PATJ: variants seen among roughly 807,000 people sequenced by gnomAD.
PATJ encodes the protein inaD-like protein.
In PATJ, 190 loss-of-function variants were observed where a neutral mutation model predicts 224.9. The ratio of observed to expected loss-of-function variants is 0.84; its 90% CI spans 0.75 to 0.95. PATJ has a LOEUF of 0.95. PATJ is among the 40% of genes least tolerant of loss of function. The pLI is 0.00. For missense variants in PATJ, 2,121 were observed against 2,270.3 expected, an observed-to-expected ratio of 0.93 and a Z score of 1.34; for synonymous variants, 769 against 820.3, an observed-to-expected ratio of 0.94 and a Z score of 1.07.
At chr1:62,099,669 A>G (rs1031563591) in intron 33 of PATJ, among the ~76,000 whole-genome samples, 2 of 152,186 alleles carry the variant, frequency 1.3e-5, no homozygotes, top group African/African-American at 2.4e-5. Context: ...ATAGTTCTTT[A>G]TAATAGTATC....
chr1:62,051,905 T>C (rs1335004718), intron 31 of PATJ, among the ~76,000 whole-genome samples: 7 of 152,160 alleles, frequency 4.6e-5, no homozygotes, highest in African/African-American at 1.7e-4. Flanking sequence ...GCATTTCCTG[T>C]TCTTTGATTT....
intron 7 of PATJ, among the ~76,000 whole-genome samples, chr1:61,784,429 T>C (rs1648053198): frequency 6.6e-6 from 1 of 152,248 alleles, no homozygotes; most frequent in Non-Finnish European, 1.5e-5. Flanking sequence ...TTTCTATCAA[T>C]CTGACTAATG....
At chr1:62,008,528 A>G (rs1384481163) in intron 28 of PATJ, among the ~76,000 whole-genome samples, 1 of 152,172 alleles carries the variant, frequency 6.6e-6, no homozygotes, top group Non-Finnish European at 1.5e-5. Flanking sequence ...AGGCCAGGGC[A>G]AGTGGATCGC....
intron 17 of PATJ, among the ~76,000 whole-genome samples, chr1:61,845,098 G>C (rs898139188): frequency 6.6e-6 from 1 of 152,138 alleles, no homozygotes; most frequent in Non-Finnish European, 1.5e-5. Context: ...GGTATCTGCT[G>C]GGGGTCTTCG....
intron 31 of PATJ, among the ~76,000 whole-genome samples, chr1:62,062,111 TG>T (rs1655575267): frequency 6.6e-6 from 1 of 152,202 alleles, no homozygotes; most frequent in Admixed American, 6.5e-5. Context: ...TAACCAGTAA[TG>T]GGATTACTGG....
intron 14 of PATJ, among the ~76,000 whole-genome samples, chr1:61,810,592 T>A (rs1163165506): frequency 6.6e-6 from 1 of 151,718 alleles, no homozygotes; most frequent in Non-Finnish European, 1.5e-5. Context: ...AGCTACTTGG[T>A]AGGCTGAGGG....
chr1:62,073,818 C>T (rs939998022), intron 31 of PATJ, among the ~76,000 whole-genome samples: 10 of 152,058 alleles, frequency 6.6e-5, no homozygotes, highest in Non-Finnish European at 1.2e-4. Context: ...ACTGAGACTC[C>T]ATCTCCAAAA....
chr1:61,872,151 AC>A (rs1439133969), intron 20 of PATJ, among the ~76,000 whole-genome samples: 1 of 152,100 alleles, frequency 6.6e-6, no homozygotes, highest in Admixed American at 6.6e-5. Flanking sequence ...CCAAATTACA[AC>A]CTTCTTCTTT....
chr1:62,022,777 T>C (rs1457912022), intron 29 of PATJ, among the ~76,000 whole-genome samples: 1 of 152,222 alleles, frequency 6.6e-6, no homozygotes, highest in African/African-American at 2.4e-5. Context: ...AAAGATTTAG[T>C]GCTAGCTGTC....
intron 27 of PATJ, among the ~76,000 whole-genome samples, chr1:61,982,525 C>T (rs1326284761): frequency 6.6e-6 from 1 of 151,938 alleles, no homozygotes; most frequent in African/African-American, 2.4e-5. Flanking sequence ...GGGGAAGAAT[C>T]GATGACACAG....
At position 62,109,122 on chromosome 1, in the gene PATJ, A is replaced by G. The variant is rs542355883; in HGVS notation, c.4461+602A>G. Among the ~76,000 whole-genome samples, 8 of 152,186 alleles carry G rather than the reference A, an allele frequency of 5.3e-5. No individual in the cohort carries two copies. In the South Asian group the frequency reaches 1.7e-3, roughly 32 times the overall value. On this transcript the variant is annotated intron_variant, in intron 34 of 43. Coordinates refer to ENST00000642238, the MANE Select transcript of PATJ (RefSeq NM_001350145.3). ...TACCAAAGCAGGCAATGTCTGCACT[A>G]TGGAATGGCTGAAGGAGAAGGCGAT...
At chr1:62,115,169 G>T (rs1664317062) in intron 35 of PATJ, among the ~76,000 whole-genome samples, 1 of 152,058 alleles carries the variant, frequency 6.6e-6, no homozygotes, top group African/African-American at 2.4e-5. Flanking sequence ...AATTAGCCAG[G>T]CATAGTGGCA....
intron 29 of PATJ, among the ~76,000 whole-genome samples, chr1:62,034,476 G>A (rs1466878075): frequency 6.9e-6 from 1 of 145,892 alleles, no homozygotes; most frequent in East Asian, 2.0e-4. Flanking sequence ...TAATTATAAA[G>A]CAAACAGATA....
chr1:61,973,101 C>T (rs918941502), intron 27 of PATJ, among the ~76,000 whole-genome samples: 1 of 151,928 alleles, frequency 6.6e-6, no homozygotes, highest in African/African-American at 2.4e-5. Context: ...TGTTTCTTGA[C>T]CAATTCAGAT....
At chr1:61,823,164 T>C (rs1229177015) in intron 15 of PATJ, 85 bp downstream of exon 15, 3 of 1,372,350 alleles carry the variant, frequency 2.2e-6, no homozygotes, top group Non-Finnish European at 3.1e-6. Flanking sequence ...CCCTGAGTTA[T>C]AGTGTCACCA....
At chr1:61,917,822 C>G (rs567056106) in intron 26 of PATJ, among the ~76,000 whole-genome samples, 1 of 152,048 alleles carries the variant, frequency 6.6e-6, no homozygotes, top group African/African-American at 2.4e-5. Context: ...GGGAGGCCAA[C>G]GTGGGCGAAT....
At chr1:61,857,527 G>A (rs552997077) in intron 18 of PATJ, among the ~76,000 whole-genome samples, 1 of 152,358 alleles carries the variant, frequency 6.6e-6, no homozygotes, top group African/African-American at 2.4e-5. Flanking sequence ...TAGTTTGTAT[G>A]CAGCATGTCT....
chr1:62,084,387 C>T, intron 32 of PATJ, 128 bp from the exon 33 acceptor site: 1 of 962,876 alleles, frequency 1.0e-6, no homozygotes, highest in Admixed American at 3.4e-5. Context: ...CTTTTTGCTT[C>T]ATGGTGTTTG....
intron 14 of PATJ, among the ~76,000 whole-genome samples, chr1:61,814,658 A>G (rs529036263): frequency 4.2e-4 from 64 of 152,252 alleles, no homozygotes; most frequent in Non-Finnish European, 7.6e-4. Context: ...TTAAATGTCC[A>G]TAGAATTTTT....
Sources: allele counts gnomAD v4.1 joint callset (sites outside exome capture counted in the v4.1 genomes callset), GRCh38; gene constraint gnomAD v4.1.1; transcripts MANE v1.5; gene names NCBI Gene and HGNC (gene_info 2026-07-23, HGNC 2026-07-21).